Variants in MCTP1 observed in about 807,000 individuals in gnomAD.
MCTP1 encodes multiple C2 and transmembrane domain-containing protein 1.
In MCTP1, 69 loss-of-function variants were observed where a neutral mutation model predicts 120.6. The observed-to-expected ratio is 0.57, with a 90% CI of 0.47 to 0.70. The LOEUF (loss-of-function observed/expected upper bound fraction) is 0.70. MCTP1 is among the 30% of genes least tolerant of loss of function. The probability of loss-of-function intolerance (pLI) is 0.00; values close to 1 mark genes in which losing one functional copy is unlikely to be tolerated. For missense variants in MCTP1, 1,203 were observed against 1,248.8 expected, an observed-to-expected ratio of 0.96 and a Z score of 0.55; for synonymous variants, 529 against 493.1, an observed-to-expected ratio of 1.07 and a Z score of -0.96.
chr5:94,847,873 C>T (rs1379237098), intron 17 of MCTP1, among the ~76,000 whole-genome samples: 4 of 151,906 alleles, frequency 2.6e-5, no homozygotes, highest in Non-Finnish European at 4.4e-5. Flanking sequence ...AGTGTAATGG[C>T]AAAAGATCAC....
At chr5:95,276,564 G>C (rs1358000987) in intron 1 of MCTP1, among the ~76,000 whole-genome samples, 1 of 151,072 alleles carries the variant, frequency 6.6e-6, no homozygotes, top group African/African-American at 2.4e-5. Context: ...GCCAATATTG[G>C]GATTTTAATC....
Position 95,068,830 on chromosome 5 carries a change from C to T in MCTP1, c.721-51346G>A, listed in dbSNP as rs1405955220. 3.9e-6 allele frequency: 5 copies of T among 1,267,366 alleles called. No individual in the cohort carries two copies. The South Asian group carries it at 6.5e-5, about 17-fold the overall frequency. 78.5% of individuals were successfully genotyped at this position (1,267,366 alleles called of 1,614,324 possible). On this transcript the variant is annotated intron_variant, in intron 1 of 22. Transcript: ENST00000515393. ...CCTTTCCAATCTTACCATACAGGGT[C>T]TGCCAAAGAAATTATAAAAATTTTA... is the stretch of plus-strand genomic sequence containing the variant.
intron 6 of MCTP1, among the ~76,000 whole-genome samples, chr5:94,924,225 C>T (rs1203865370): frequency 1.3e-5 from 2 of 151,944 alleles, no homozygotes; most frequent in Non-Finnish European, 2.9e-5. Flanking sequence ...AGGATTATTT[C>T]TGTAATTTTT....
intron 1 of MCTP1, chr5:95,024,061 T>C (rs1406650409): frequency 1.1e-5 from 5 of 449,618 alleles, no homozygotes; most frequent in South Asian, 4.8e-5. Flanking sequence ...GTCTTTTCCC[T>C]GTTAATTGTT....
chr5:95,212,732 C>T (rs1752541847), intron 1 of MCTP1, among the ~76,000 whole-genome samples: 2 of 151,810 alleles, frequency 1.3e-5, no homozygotes, highest in African/African-American at 2.4e-5. Flanking sequence ...TAAATGTAAT[C>T]CAGCATATAA....
intron 1 of MCTP1, among the ~76,000 whole-genome samples, chr5:95,060,081 C>T (rs553355913): frequency 6.6e-6 from 1 of 152,158 alleles, no homozygotes; most frequent in Non-Finnish European, 1.5e-5. Context: ...TCACAGATCC[C>T]AAGCCTGGGG....
intron 19 of MCTP1, among the ~76,000 whole-genome samples, chr5:94,717,312 A>G (rs910697544): frequency 5.3e-5 from 8 of 152,240 alleles, no homozygotes; most frequent in Non-Finnish European, 1.2e-4. Context: ...GGCCTTCGAT[A>G]AAATTCAACA....
chr5:95,191,225 A>G (rs1317416010), intron 1 of MCTP1, among the ~76,000 whole-genome samples: 1 of 152,040 alleles, frequency 6.6e-6, no homozygotes, highest in Non-Finnish European at 1.5e-5. Flanking sequence ...GGCTTACATG[A>G]AAAATATCTG....
chr5:95,096,192 G>A lies in MCTP1; in HGVS notation c.721-78708C>T, dbSNP rs188532457. 2.0e-4 allele frequency among the ~76,000 whole-genome samples: 30 copies of A among 152,320 alleles called. No individual in the cohort carries two copies. In the East Asian group the frequency reaches 5.8e-3, roughly 29 times the overall value. ...GAGTACTCAATATATCCACTGTGGA[G>A]ACTGACTTCTTGAGAGAAATTTTTG... On this transcript the variant is annotated intron_variant, in intron 1 of 22. Transcript: ENST00000515393.
chr5:94,928,425 T>C (rs919513154), intron 6 of MCTP1, among the ~76,000 whole-genome samples: 15 of 152,200 alleles, frequency 9.9e-5, no homozygotes, highest in Non-Finnish European at 1.8e-4. Flanking sequence ...AGTGATAAGC[T>C]TCTTCTAAAG....
At chr5:94,787,023 G>A (rs1288212010) in intron 18 of MCTP1, among the ~76,000 whole-genome samples, 17 of 152,138 alleles carry the variant, frequency 1.1e-4, no homozygotes, top group Admixed American at 1.1e-3. Flanking sequence ...CTGGTATGCT[G>A]GTGTAGGTTT....
chr5:95,205,824 C>A (rs902132844), intron 1 of MCTP1, among the ~76,000 whole-genome samples: 6 of 152,022 alleles, frequency 3.9e-5, no homozygotes, highest in Admixed American at 2.6e-4. Flanking sequence ...CAAATCAAGA[C>A]CACAATGAAA....
chr5:95,214,891 G>A (rs1435219658), intron 1 of MCTP1, among the ~76,000 whole-genome samples: 2 of 151,006 alleles, frequency 1.3e-5, no homozygotes, highest in African/African-American at 2.4e-5. Context: ...GGGAGGGATA[G>A]CATTAGGAGA....
intron 1 of MCTP1, among the ~76,000 whole-genome samples, chr5:95,037,233 C>G (rs937923401): frequency 6.6e-6 from 1 of 152,174 alleles, no homozygotes; most frequent in African/African-American, 2.4e-5. Context: ...GCGTAGCCAT[C>G]AAGTCCTGTC....
chr5:95,047,278 C>T (rs1744795554), intron 1 of MCTP1, among the ~76,000 whole-genome samples: 1 of 152,076 alleles, frequency 6.6e-6, no homozygotes, highest in South Asian at 2.1e-4. Flanking sequence ...TCTGTTCATC[C>T]TAGTGTCTTA....
chr5:94,925,441 C>G (rs469708), intron 6 of MCTP1, among the ~76,000 whole-genome samples: 15,366 of 151,798 alleles, frequency 0.1, 1,384 homozygotes, highest in African/African-American at 0.24. Flanking sequence ...CAGAGTCTTG[C>G]TCTGTCGCCC....
chr5:94,742,018 A>G (rs1278954958), intron 19 of MCTP1, among the ~76,000 whole-genome samples: 1 of 152,074 alleles, frequency 6.6e-6, no homozygotes, highest in Non-Finnish European at 1.5e-5. Flanking sequence ...TCCCTACTTT[A>G]TTTCTAGAGT....
At chr5:95,106,305 C>A (rs1205026791) in intron 1 of MCTP1, among the ~76,000 whole-genome samples, 1 of 152,212 alleles carries the variant, frequency 6.6e-6, no homozygotes, top group East Asian at 1.9e-4. Context: ...TTGCAGAGAC[C>A]CTTCTGTTCC....
At chr5:95,261,446 T>G (rs146588054) in intron 1 of MCTP1, among the ~76,000 whole-genome samples, 1 of 152,382 alleles carries the variant, frequency 6.6e-6, no homozygotes, top group East Asian at 1.9e-4. Context: ...TTTAAAAATC[T>G]AATTTCTTTT....
Sources: allele counts gnomAD v4.1 joint callset (sites outside exome capture counted in the v4.1 genomes callset), GRCh38; gene constraint gnomAD v4.1.1; transcripts MANE v1.5; gene names NCBI Gene and HGNC (gene_info 2026-07-23, HGNC 2026-07-21).